The following WWOX variants were observed in gnomAD, a reference collection of about 807,000 sequenced individuals.
The protein encoded by WWOX is WW domain-containing oxidoreductase.
In WWOX, 69 loss-of-function variants were observed where a neutral mutation model predicts 46.2. That is an observed-to-expected ratio of 1.49 (90% CI 1.23 to 1.82). The LOEUF is 1.82. Among genes scored for constraint, WWOX ranks in the 40% most tolerant of loss-of-function variants. WWOX has a pLI of 0.00. For synonymous variants in WWOX, 359 were observed against 202.6 expected, an observed-to-expected ratio of 1.77 and a Z score of -6.56; for missense variants, 919 against 542.6, an observed-to-expected ratio of 1.69 and a Z score of -6.89.
chr16:78,324,400 A>C (rs2080562527), intron 5 of WWOX, among the ~76,000 whole-genome samples: 1 of 152,132 alleles, frequency 6.6e-6, no homozygotes, highest in Non-Finnish European at 1.5e-5. Context: ...TCCAATAGTC[A>C]AGAGTTCCCA....
intron 5 of WWOX, among the ~76,000 whole-genome samples, chr16:78,286,175 A>G (rs2151857674): frequency 6.6e-6 from 1 of 152,370 alleles, no homozygotes; most frequent in South Asian, 2.1e-4. Context: ...AGCTGTTGCA[A>G]TAAATACTTT....
chr16:78,821,520 T>C (rs965547262), intron 8 of WWOX, among the ~76,000 whole-genome samples: 1 of 152,126 alleles, frequency 6.6e-6, no homozygotes, highest in African/African-American at 2.4e-5. Flanking sequence ...GTGACCAGAG[T>C]GTTTGCAGTT....
chr16:78,464,998 C>G (rs998715491), intron 8 of WWOX, among the ~76,000 whole-genome samples: 1 of 152,188 alleles, frequency 6.6e-6, no homozygotes, highest in African/African-American at 2.4e-5. Flanking sequence ...AAAGGCACAT[C>G]TTACATGGCA....
chr16:78,529,570 G>A (rs528972911), intron 8 of WWOX, among the ~76,000 whole-genome samples: 1 of 152,018 alleles, frequency 6.6e-6, no homozygotes, highest in Non-Finnish European at 1.5e-5. Flanking sequence ...GAGTTCAAGC[G>A]ATTCTTCTGC....
intron 5 of WWOX, among the ~76,000 whole-genome samples, chr16:78,214,315 C>T (rs916788196): frequency 7.2e-6 from 1 of 139,406 alleles, no homozygotes; most frequent in Non-Finnish European, 1.5e-5. Context: ...CCTCTCTGAA[C>T]TTCAATTATC....
intron 5 of WWOX, among the ~76,000 whole-genome samples, chr16:78,217,198 A>C (rs2036750093): frequency 6.6e-6 from 1 of 152,180 alleles, no homozygotes; most frequent in East Asian, 1.9e-4. Flanking sequence ...ATTGCCCTGC[A>C]TCCACAGTCA....
chr16:79,125,617 C>G (rs550894122), intron 8 of WWOX, among the ~76,000 whole-genome samples: 136 of 152,260 alleles, frequency 8.9e-4, no homozygotes, highest in Non-Finnish European at 1.5e-3. Context: ...ACCCTTCCTG[C>G]ATCCTCCCAA....
intron 8 of WWOX, among the ~76,000 whole-genome samples, chr16:78,794,064 C>G (rs1380660342): frequency 1.3e-5 from 2 of 152,096 alleles, no homozygotes; most frequent in Admixed American, 6.6e-5. Context: ...CTGTGTCACC[C>G]CAGCATTCAT....
intron 5 of WWOX, among the ~76,000 whole-genome samples, chr16:78,176,043 C>G (rs186754728): frequency 1.3e-5 from 2 of 152,252 alleles, no homozygotes; most frequent in East Asian, 3.9e-4. Context: ...ATAAGTTCCT[C>G]TCTCCCCATG....
chr16:78,419,080 G>A lies in WWOX; in HGVS notation c.606-5790G>A, dbSNP rs76262277. Among the ~76,000 whole-genome samples, 1,003 of 152,200 alleles carry A rather than the reference G, an allele frequency of 6.6e-3. 27 individuals carry two copies. Among genetic ancestry groups the A allele is most frequent in the East Asian group, 0.062 (323 of 5,182 alleles). On this transcript the variant is annotated intron_variant, in intron 6 of 8. Coordinates refer to ENST00000566780, the MANE Select transcript of WWOX (RefSeq NM_016373.4). ...AAAGGTACTTAAAAAATATTAAAAT[G>A]AACAGGTTCAGCCAGGATAAAAGTA...
intron 5 of WWOX, among the ~76,000 whole-genome samples, chr16:78,357,436 C>G (rs2081320254): frequency 6.6e-6 from 1 of 152,146 alleles, no homozygotes; most frequent in Non-Finnish European, 1.5e-5. Context: ...TTGGTTCATT[C>G]AATCAATGAA....
chr16:79,056,215 CAAAA>C (rs199968406), intron 8 of WWOX, among the ~76,000 whole-genome samples: 58,537 of 139,124 alleles, frequency 0.42, 12,726 homozygotes, highest in Non-Finnish European at 0.53. Context: ...GTCACTAGAC[CAAAA>C]AAAAAAAAAA....
In WWOX at chr16:78,585,500, A is replaced by G. The variant is rs117985423; in HGVS notation, c.1056+152748A>G. On this transcript the variant is annotated intron_variant, in intron 8 of 8. Coordinates refer to ENST00000566780, the MANE Select transcript of WWOX (RefSeq NM_016373.4). ...TTCACTGGCCAAAGTACTTGGGGTT[A>G]ATTTAGCAAACCCCAGGATCCCCAG... 7.1e-3 allele frequency among the ~76,000 whole-genome samples: 1,082 copies of G among 152,212 alleles called. 3 individuals are homozygous for G. Among genetic ancestry groups the G allele is most frequent in the Non-Finnish European group, 0.012 (784 of 68,010 alleles).
intron 5 of WWOX, among the ~76,000 whole-genome samples, chr16:78,361,527 A>G (rs1443927772): frequency 6.6e-6 from 1 of 152,016 alleles, no homozygotes; most frequent in Admixed American, 6.6e-5. Context: ...GCTAGTGGTG[A>G]CTATGTATTT....
At chr16:78,381,471 G>C (rs1378549287) in intron 5 of WWOX, among the ~76,000 whole-genome samples, 1 of 152,224 alleles carries the variant, frequency 6.6e-6, no homozygotes, top group Non-Finnish European at 1.5e-5. Context: ...TGGATGTTGG[G>C]AGCAAGTGGG....
At chr16:78,669,914 C>T (rs531625309) in intron 8 of WWOX, among the ~76,000 whole-genome samples, 16 of 152,266 alleles carry the variant, frequency 1.1e-4, no homozygotes, top group African/African-American at 3.8e-4. Context: ...ACTGCTTTTT[C>T]ATAAGCACAA....
chr16:78,983,521 G>A (rs1481230140), intron 8 of WWOX, among the ~76,000 whole-genome samples: 1 of 152,110 alleles, frequency 6.6e-6, no homozygotes, highest in Non-Finnish European at 1.5e-5. Context: ...GAAGAAATGG[G>A]GTACGTTAAG....
chr16:78,609,903 C>T (rs1473280202), intron 8 of WWOX, among the ~76,000 whole-genome samples: 2 of 152,170 alleles, frequency 1.3e-5, no homozygotes, highest in Non-Finnish European at 2.9e-5. Flanking sequence ...TACCAGGTTT[C>T]TCTATTAAGA....
intron 8 of WWOX, among the ~76,000 whole-genome samples, chr16:78,536,031 C>G (rs760216894): frequency 5.5e-4 from 83 of 152,210 alleles, no homozygotes; most frequent in Middle Eastern, 3.4e-3. Flanking sequence ...GCTGTGGGAG[C>G]CATAATGGAG....
Sources: allele counts gnomAD v4.1 joint callset (sites outside exome capture counted in the v4.1 genomes callset), GRCh38; gene constraint gnomAD v4.1.1; transcripts MANE v1.5; gene names NCBI Gene and HGNC (gene_info 2026-07-23, HGNC 2026-07-21).